The following PTPRN2 variants were observed in gnomAD, a reference collection of about 807,000 sequenced individuals.
PTPRN2 encodes receptor-type tyrosine-protein phosphatase N2.
In PTPRN2, 74 loss-of-function variants were observed where a neutral mutation model predicts 118.8. That is an observed-to-expected ratio of 0.62 (90% confidence interval 0.52 to 0.76). The LOEUF (loss-of-function observed/expected upper bound fraction) is 0.76, where lower values mean the gene tolerates loss of function less well. Ranked by LOEUF, PTPRN2 falls within the 30% of genes least tolerant of loss-of-function variation. The pLI is 0.00. For synonymous variants in PTPRN2, 641 were observed against 608.0 expected (o/e 1.05, Z -0.80); for missense variants, 1,481 against 1,394.4 (o/e 1.06, Z -0.99).
chr7:158,280,139 T>C (rs1799321682), intron 3 of PTPRN2, among the ~76,000 whole-genome samples: 1 of 152,228 alleles, frequency 6.6e-6, no homozygotes, highest in Non-Finnish European at 1.5e-5. Flanking sequence ...CAAATCATTG[T>C]TTCACAGACC....
chr7:158,088,374 AC>A (rs368760327), intron 10 of PTPRN2, among the ~76,000 whole-genome samples: 3 of 28,760 alleles, frequency 1.0e-4, no homozygotes, highest in African/African-American at 1.3e-4. Flanking sequence ...CTTCACACAA[AC>A]CCTTCTTCCC....
rs573737346 is a variant in PTPRN2 at position 158,517,694 on chromosome 7, C to T, written c.113-27909G>A. Among the ~76,000 whole-genome samples, 4 of 152,262 alleles carry T rather than the reference C, an allele frequency of 2.6e-5. No individual in the cohort carries two copies. In the South Asian group the frequency reaches 8.3e-4, roughly 32 times the overall value. ...ATGGACAGCGTCTCCAGACTCTTCC[C>T]CACCATAGCCAGGCAGGCCTCCAGG... On this transcript the variant is annotated intron_variant, in intron 1 of 22. Coordinates refer to ENST00000389418, the MANE Select transcript of PTPRN2 (RefSeq NM_002847.5). The surrounding 1 kb of genome is among the most constrained non-coding windows in gnomAD (Gnocchi z 5.3).
intron 14 of PTPRN2, among the ~76,000 whole-genome samples, chr7:157,642,309 G>A (rs1177427949): frequency 2.6e-5 from 4 of 152,190 alleles, no homozygotes; most frequent in African/African-American, 9.7e-5. Context: ...CCCACCTGAC[G>A]CCAGCTCATT....
At chr7:157,918,215 G>A (rs1798516316) in intron 11 of PTPRN2, among the ~76,000 whole-genome samples, 1 of 152,198 alleles carries the variant, frequency 6.6e-6, no homozygotes, top group Non-Finnish European at 1.5e-5. Flanking sequence ...TATAAAATGT[G>A]GGAGAAATGA....
chr7:158,149,020 C>A (rs576468164), intron 6 of PTPRN2, among the ~76,000 whole-genome samples: 5 of 136,306 alleles, frequency 3.7e-5, no homozygotes, highest in Admixed American at 3.6e-4. Flanking sequence ...CATCCCATCT[C>A]ACGCCACGTG....
At chr7:158,131,076 T>C (rs111870581) in intron 9 of PTPRN2, among the ~76,000 whole-genome samples, 100,474 of 150,332 alleles carry the variant, frequency 0.67, 34,269 homozygotes, top group African/African-American at 0.82. Context: ...CACACACACT[T>C]ATACACACAC....
intron 3 of PTPRN2, among the ~76,000 whole-genome samples, chr7:158,250,375 G>A (rs1164296260): frequency 1.3e-5 from 2 of 152,088 alleles, no homozygotes. Context: ...ATAGCATAAT[G>A]CATGCCTATT....
At chr7:158,386,324 C>T (rs1288406228) in intron 2 of PTPRN2, among the ~76,000 whole-genome samples, 3 of 132,098 alleles carry the variant, frequency 2.3e-5, no homozygotes, top group Admixed American at 1.5e-4. Context: ...CCTCCCGTGC[C>T]GAGTCCCTCC....
intron 1 of PTPRN2, among the ~76,000 whole-genome samples, chr7:158,540,188 G>A (rs1825903314): frequency 1.3e-5 from 2 of 152,186 alleles, no homozygotes; most frequent in South Asian, 2.1e-4. Context: ...GCCTCACTCT[G>A]CATTTCCTCA....
chr7:158,234,984 G>A (rs376283844), intron 3 of PTPRN2, among the ~76,000 whole-genome samples: 18 of 152,204 alleles, frequency 1.2e-4, no homozygotes, highest in African/African-American at 2.4e-4. Context: ...GGCTGGTCTC[G>A]ATCTCCTGAC....
intron 12 of PTPRN2, among the ~76,000 whole-genome samples, chr7:157,841,382 C>T (rs1808408600): frequency 6.6e-6 from 1 of 152,168 alleles, no homozygotes; most frequent in African/African-American, 2.4e-5. Context: ...AACAGGTCGG[C>T]CTTCCTTTTC....
intron 3 of PTPRN2, among the ~76,000 whole-genome samples, chr7:158,262,590 TCA>T (rs899252378): frequency 2.4e-4 from 21 of 88,428 alleles, no homozygotes; most frequent in South Asian, 3.9e-4. Context: ...GCACACACAT[TCA>T]CACACATTCA....
intron 2 of PTPRN2, among the ~76,000 whole-genome samples, chr7:158,444,474 G>A (rs150725424): frequency 3.9e-5 from 6 of 152,324 alleles, no homozygotes; most frequent in African/African-American, 1.4e-4. Context: ...TAAACCTGAC[G>A]CTGCCCTCCC....
At chr7:157,841,263 C>T (rs943596098) in intron 12 of PTPRN2, among the ~76,000 whole-genome samples, 1 of 152,214 alleles carries the variant, frequency 6.6e-6, no homozygotes, top group Non-Finnish European at 1.5e-5. Flanking sequence ...GCCTTCACTC[C>T]CCACACGCTC....
At chr7:158,522,598 T>G (rs902424306) in intron 1 of PTPRN2, among the ~76,000 whole-genome samples, 1 of 152,210 alleles carries the variant, frequency 6.6e-6, no homozygotes, top group Non-Finnish European at 1.5e-5. Flanking sequence ...ACCTGGCCCC[T>G]GGTGACCAGA....
chr7:158,340,617 C>A (rs1310792739), intron 2 of PTPRN2, among the ~76,000 whole-genome samples: 3 of 110,750 alleles, frequency 2.7e-5, no homozygotes, highest in African/African-American at 1.0e-4. Flanking sequence ...CCACACACGT[C>A]ACTCACACTC....
intron 11 of PTPRN2, among the ~76,000 whole-genome samples, chr7:158,080,560 C>G (rs1033884359): frequency 1.5e-5 from 2 of 136,518 alleles, no homozygotes; most frequent in Admixed American, 7.7e-5. Context: ...ATACACTCTA[C>G]AAGAGTTTTC....
chr7:157,995,770 G>A (rs1804677599), intron 11 of PTPRN2, among the ~76,000 whole-genome samples: 2 of 152,238 alleles, frequency 1.3e-5, no homozygotes. Flanking sequence ...AGAAGGAGGG[G>A]TCATCCATGG....
At chr7:158,341,610 C>G (rs1286798793) in intron 2 of PTPRN2, among the ~76,000 whole-genome samples, 56 of 98,476 alleles carry the variant, frequency 5.7e-4, no homozygotes, top group African/African-American at 2.6e-3. Flanking sequence ...ATCACTCACA[C>G]CCACACTCTC....
Sources: gnomAD v4.1 joint callset for allele counts (sites outside exome capture counted in the v4.1 genomes callset) on GRCh38, gnomAD v4.1.1 for gene constraint, Gnocchi (gnomAD v3.1) non-coding constraint, MANE v1.5 for transcripts, NCBI Gene and HGNC (gene_info 2026-07-23, HGNC 2026-07-21) for gene names.